The following FXN variants were observed in gnomAD, a reference collection of about 807,000 sequenced individuals.
FXN encodes frataxin, mitochondrial.
In FXN, 14 loss-of-function variants were observed where a neutral mutation model predicts 22.4. The ratio of observed to expected loss-of-function variants is 0.62; its 90% CI spans 0.41 to 0.98. The LOEUF (loss-of-function observed/expected upper bound fraction) is 0.98. FXN is among the 50% of genes least tolerant of loss of function. The pLI, the probability that FXN is intolerant of heterozygous loss-of-function variation, is 0.00. For missense variants in FXN, 267 were observed against 268.4 expected (o/e 0.99, Z 0.04); for synonymous variants, 120 against 114.1 (o/e 1.05, Z -0.33).
At chr9:69,052,807 G>A (rs140281266) in intron 2 of FXN, among the ~76,000 whole-genome samples, 1,843 of 151,952 alleles carry the variant, frequency 0.012, 35 homozygotes, top group African/African-American at 0.042. Context: ...CTCCCAGAGT[G>A]CTGGGATTAC....
chr9:69,038,059 G>A (rs1831595552), intron 1 of FXN, among the ~76,000 whole-genome samples: 2 of 152,224 alleles, frequency 1.3e-5, no homozygotes, highest in African/African-American at 2.4e-5. Flanking sequence ...CCAACTTGGC[G>A]CTGCCGCCCA....
chr9:69,046,699 T>G (rs1831762616), intron 2 of FXN, among the ~76,000 whole-genome samples: 1 of 152,228 alleles, frequency 6.6e-6, no homozygotes, highest in Non-Finnish European at 1.5e-5. Flanking sequence ...TCAGGTTGTT[T>G]CCAGAGTTTC....
rs1416245075 is a variant in FXN at position 69,074,880 on chromosome 9, A to G, written c.*2118A>G. ...GGCCAGTGCCAGTGAGAAAATAAAT[A>G]ACATCATACATGTTTGTATGTGTTT... On this transcript the variant is annotated 3_prime_UTR_variant, in exon 5 of 5. Coordinates refer to ENST00000484259, the MANE Select transcript of FXN (RefSeq NM_000144.5). The G allele has an allele frequency of 6.4e-5, 63 of 985,350 alleles. No homozygotes were observed. Among genetic ancestry groups the G allele is most frequent in the Middle Eastern group, 5.2e-4 (1 of 1,936 alleles). The allele number at this position is 985,350 out of a possible 1,614,324, so 61.0% of individuals were successfully genotyped here.
At chr9:69,038,597 G>A (rs781583462) in intron 1 of FXN, among the ~76,000 whole-genome samples, 2 of 152,082 alleles carry the variant, frequency 1.3e-5, no homozygotes, top group Admixed American at 6.6e-5. Flanking sequence ...AGGCCGAGGC[G>A]AGTGGATCAT....
At chr9:69,066,953 G>C (rs1445616035) in intron 4 of FXN, among the ~76,000 whole-genome samples, 1 of 152,162 alleles carries the variant, frequency 6.6e-6, no homozygotes, top group African/African-American at 2.4e-5. Context: ...GCCACACCCA[G>C]AGACCACAGG....
intron 4 of FXN, among the ~76,000 whole-genome samples, chr9:69,068,894 C>G (rs190178615): frequency 6.6e-6 from 1 of 152,348 alleles, no homozygotes; most frequent in African/African-American, 2.4e-5. Context: ...GCATGAAAAG[C>G]AGGCCTCCTG....
chr9:69,039,121 C>T (rs1159462659), intron 1 of FXN, among the ~76,000 whole-genome samples: 4 of 151,800 alleles, frequency 2.6e-5, no homozygotes, highest in Non-Finnish European at 5.9e-5. Context: ...GATGTGGTGG[C>T]ACTCACCTGT....
intron 4 of FXN, among the ~76,000 whole-genome samples, chr9:69,070,865 C>A (rs1056626668): frequency 6.7e-6 from 1 of 150,094 alleles, no homozygotes; most frequent in Admixed American, 6.7e-5. Context: ...AACATGGGGT[C>A]TCACTTTGTT....
In FXN at chr9:69,077,767, T is replaced by C. The variant is rs1832396607; in HGVS notation, c.*5005T>C. On this transcript the variant is annotated 3_prime_UTR_variant, in exon 5 of 5. Coordinates refer to ENST00000484259, the MANE Select transcript of FXN (RefSeq NM_000144.5). ...CAACATGGTAAAACCCCGCCTCTAC[T>C]AAAAATACAAAAATTAGCTGGCCGT... 1.5e-6 allele frequency: 1 copy of C among 666,870 alleles called. No individual in the cohort carries two copies. The highest frequency in any genetic ancestry group is 1.9e-6 in the Non-Finnish European group (1 of 539,214). 41.3% of individuals were successfully genotyped at this position (666,870 alleles called of 1,614,324 possible). A position where few individuals can be genotyped will look rare whatever the true frequency, so the allele number is the denominator to read the frequency against.
chr9:69,053,364 A>G (rs564133341), intron 3 of FXN, 104 bp downstream of exon 3: 2 of 1,374,942 alleles, frequency 1.5e-6, no homozygotes, highest in East Asian at 4.8e-5. Context: ...AGTAGCATGT[A>G]GTTGTAGGTA....
chr9:69,052,796 C>T (rs1257019820), intron 2 of FXN, among the ~76,000 whole-genome samples: 4 of 151,924 alleles, frequency 2.6e-5, no homozygotes, highest in Non-Finnish European at 4.4e-5. Context: ...CCTGCCTCGG[C>T]CTCCCAGAGT....
Position 69,035,954 on chromosome 9 carries a change from A to G in FXN, c.165+7A>G. The G allele has an allele frequency of 6.8e-7, 1 of 1,459,870 alleles. No individual in the cohort carries two copies. The allele number at this position is 1,459,870 out of a possible 1,614,324, so 90.4% of individuals were successfully genotyped here. On this transcript the variant is annotated splice_region_variant and intron_variant, in intron 1 of 4. Coordinates refer to ENST00000484259, the MANE Select transcript of FXN (RefSeq NM_000144.5). ...CTGCACGCCCCGCCGCGCAGTAAGT[A>G]TCCGCGCCGGGAACAGCCGCGGGCC...
chr9:69,076,840 G>A lies in FXN; in HGVS notation c.*4078G>A, dbSNP rs1367755260. On this transcript the variant is annotated 3_prime_UTR_variant, in exon 5 of 5. Transcript: ENST00000484259. ...CCAGCAAGGGAGAAAGGGGAAGGAG[G>A]GGCAAAGTTTTGAAATTTCATGTAA... 4.1e-6 allele frequency: 4 copies of A among 983,672 alleles called. No individual in the cohort carries two copies. The highest frequency in any genetic ancestry group is 3.6e-6 in the Non-Finnish European group (3 of 828,462). The allele number at this position is 983,672 out of a possible 1,614,324, so 60.9% of individuals were successfully genotyped here. A position where few individuals can be genotyped will look rare whatever the true frequency, so the allele number is the denominator to read the frequency against.
chr9:69,060,090 C>T (rs1031543842), intron 3 of FXN, among the ~76,000 whole-genome samples: 4 of 152,036 alleles, frequency 2.6e-5, no homozygotes, highest in Non-Finnish European at 4.4e-5. Context: ...ACTCACCAGC[C>T]GGGCGTGGTG....
At chr9:69,048,603 C>CT (rs1318150445) in intron 2 of FXN, among the ~76,000 whole-genome samples, 3 of 150,998 alleles carry the variant, frequency 2.0e-5, no homozygotes, top group Non-Finnish European at 4.4e-5. Flanking sequence ...AATTCCATCT[C>CT]TAAAAAAAAG....
intron 1 of FXN, among the ~76,000 whole-genome samples, chr9:69,037,094 G>A (rs1430112873): frequency 6.6e-6 from 1 of 151,936 alleles, no homozygotes; most frequent in African/African-American, 2.4e-5. Context: ...GAAACTTTGG[G>A]ATTGGTTGCC....
At position 69,075,710 on chromosome 9, in the gene FXN, A is replaced by G; in HGVS notation, c.*2948A>G. 1 of 985,306 alleles carries G rather than the reference A, an allele frequency of 1.0e-6. No homozygotes were observed. Among genetic ancestry groups the G allele is most frequent in the South Asian group, 4.7e-5 (1 of 21,286 alleles). The allele number at this position is 985,306 out of a possible 1,614,324, so 61.0% of individuals were successfully genotyped here. A position where few individuals can be genotyped will look rare whatever the true frequency, so the allele number is the denominator to read the frequency against. On this transcript the variant is annotated 3_prime_UTR_variant, in exon 5 of 5. Transcript: ENST00000484259. Reference sequence around the variant, plus strand: ...TGGAGGAGGTGAGGAATTGCATAATACAATCTTAGAAAACTTTTTTTTCCC... The same window carrying G: ...TGGAGGAGGTGAGGAATTGCATAATGCAATCTTAGAAAACTTTTTTTTCCC...
intron 1 of FXN, among the ~76,000 whole-genome samples, chr9:69,042,302 C>G (rs556598863): frequency 2.0e-4 from 30 of 151,814 alleles, no homozygotes; most frequent in African/African-American, 7.2e-4. Flanking sequence ...TTGCCTCCCT[C>G]AAGCAGAACA....
intron 4 of FXN, among the ~76,000 whole-genome samples, chr9:69,066,966 C>T (rs372226897): frequency 1.2e-3 from 186 of 152,304 alleles, no homozygotes; most frequent in African/African-American, 4.0e-3. Flanking sequence ...ACCACAGGCT[C>T]CCCGGTCCAC....
Sources: allele counts gnomAD v4.1 joint callset (sites outside exome capture counted in the v4.1 genomes callset), GRCh38; gene constraint gnomAD v4.1.1; transcripts MANE v1.5; gene names NCBI Gene and HGNC (gene_info 2026-07-23, HGNC 2026-07-21).